Variants in USP13 observed in about 807,000 individuals in gnomAD.
The protein encoded by USP13 is ubiquitin specific peptidase 13, also known as ubiquitin carboxyl-terminal hydrolase 13.
A neutral mutation model predicts 107.8 loss-of-function variants in USP13; 68 were observed. That is an observed-to-expected ratio of 0.63 (90% CI 0.52 to 0.77). The LOEUF is 0.77. Among genes scored for constraint, USP13 ranks in the 30% least tolerant of loss-of-function variants. The pLI, the probability that USP13 is intolerant of heterozygous loss-of-function variation, is 0.00. For synonymous variants in USP13, 377 were observed against 389.5 expected, an observed-to-expected ratio of 0.97 and a Z score of 0.38; for missense variants, 945 against 1,093.3, an observed-to-expected ratio of 0.86 and a Z score of 1.91.
intron 1 of USP13, among the ~76,000 whole-genome samples, chr3:179,669,261 G>A (rs1720674972): frequency 1.3e-5 from 2 of 152,190 alleles, no homozygotes; most frequent in African/African-American, 4.8e-5. Flanking sequence ...AGGAGTTTGA[G>A]ACCAGCCTAG....
chr3:179,676,603 G>A (rs758318229), intron 1 of USP13, among the ~76,000 whole-genome samples: 7 of 152,142 alleles, frequency 4.6e-5, no homozygotes, highest in Non-Finnish European at 8.8e-5. Flanking sequence ...AGGCCATCGG[G>A]TGCTGACTCT....
At chr3:179,743,636 G>T (rs1714286078) in intron 12 of USP13, among the ~76,000 whole-genome samples, 1 of 152,176 alleles carries the variant, frequency 6.6e-6, no homozygotes, top group African/African-American at 2.4e-5. Flanking sequence ...CTAGGCTGCA[G>T]TGGTTTCTCT....
Position 179,742,469 on chromosome 3 carries a change from C to A in USP13, c.1534+119C>A. ...GGAGTAGACCCAGCCCAGGTGATGT[C>A]TGCTTTGCACATCTCTTTTCATCTC... is the stretch of plus-strand genomic sequence containing the variant. On this transcript the variant is annotated intron_variant, in intron 12 of 20. Transcript: ENST00000263966. The surrounding 1 kb of genome is among the most constrained non-coding windows in gnomAD (Gnocchi z 5.0). 1 of 1,211,856 alleles carries A rather than the reference C, an allele frequency of 8.3e-7. No homozygotes were observed. The highest frequency in any genetic ancestry group is 1.2e-6 in the Non-Finnish European group (1 of 865,764). The allele number at this position is 1,211,856 out of a possible 1,614,324, so 75.1% of individuals were successfully genotyped here.
chr3:179,777,756 C>T (rs1431940635), intron 19 of USP13, among the ~76,000 whole-genome samples: 1 of 152,000 alleles, frequency 6.6e-6, no homozygotes, highest in Non-Finnish European at 1.5e-5. Context: ...TGGCCTGTAT[C>T]CTCTCTTCAT....
intron 3 of USP13, among the ~76,000 whole-genome samples, chr3:179,694,548 A>C (rs1442251747): frequency 6.6e-6 from 1 of 152,048 alleles, no homozygotes; most frequent in Non-Finnish European, 1.5e-5. Flanking sequence ...CATGCCTGTA[A>C]TCTCAGCACT....
chr3:179,775,106 C>A (rs1261985346), intron 19 of USP13, among the ~76,000 whole-genome samples: 2 of 151,282 alleles, frequency 1.3e-5, no homozygotes, highest in South Asian at 2.1e-4. Flanking sequence ...TTCTTCAAGT[C>A]CCCACTAGAT....
At chr3:179,765,446 G>A (rs1715141467) in intron 18 of USP13, among the ~76,000 whole-genome samples, 1 of 152,224 alleles carries the variant, frequency 6.6e-6, no homozygotes, top group Non-Finnish European at 1.5e-5. Context: ...ACTTTGGAAT[G>A]CTGATCTGCT....
intron 3 of USP13, among the ~76,000 whole-genome samples, chr3:179,699,828 A>G (rs1712455551): frequency 6.6e-6 from 1 of 151,576 alleles, no homozygotes; most frequent in African/African-American, 2.4e-5. Flanking sequence ...ATTTAAGAGC[A>G]GAGCTGTACA....
Position 179,774,682 on chromosome 3 carries a change from G to A in USP13, c.2414-7057G>A, listed in dbSNP as rs182338982. On this transcript the variant is annotated intron_variant, in intron 19 of 20. Transcript: ENST00000263966. ...GCAAGATTTATTGCAAAGAGCAAAA[G>A]AACAAACCTTCCACAGTTTGGAAGG... Among the ~76,000 whole-genome samples, 935 of 152,322 alleles carry A rather than the reference G, an allele frequency of 6.1e-3. 7 individuals carry two copies. Among genetic ancestry groups the A allele is most frequent in the Middle Eastern group, 0.017 (5 of 294 alleles).
intron 1 of USP13, among the ~76,000 whole-genome samples, chr3:179,663,640 T>C (rs1050083788): frequency 2.0e-4 from 30 of 152,184 alleles, no homozygotes; most frequent in Admixed American, 3.3e-4. Context: ...AAAATAGGGG[T>C]CTGATCATCT....
At chr3:179,705,468 A>G (rs1045563406) in intron 4 of USP13, among the ~76,000 whole-genome samples, 4 of 152,066 alleles carry the variant, frequency 2.6e-5, no homozygotes, top group Admixed American at 2.6e-4. Flanking sequence ...TCACTAATCT[A>G]CTTTCTAGCT....
intron 1 of USP13, among the ~76,000 whole-genome samples, chr3:179,676,302 C>T (rs1720890498): frequency 6.6e-6 from 1 of 152,170 alleles, no homozygotes; most frequent in South Asian, 2.1e-4. Flanking sequence ...ATACACTGTC[C>T]TTTGATTCTT....
At chr3:179,681,818 TC>T in intron 1 of USP13, 59 bp from the exon 2 acceptor site, 1 of 1,560,834 alleles carries the variant, frequency 6.4e-7, no homozygotes, top group Non-Finnish European at 8.7e-7. Flanking sequence ...TTTCCCTCTT[TC>T]TACATCTGAC....
chr3:179,747,326 T>G (rs992984985), intron 13 of USP13, among the ~76,000 whole-genome samples: 4 of 152,264 alleles, frequency 2.6e-5, no homozygotes, highest in Non-Finnish European at 4.4e-5. Context: ...GACTGATTCC[T>G]CGAACATTTA....
At chr3:179,776,926 TTC>T (rs1257282572) in intron 19 of USP13, among the ~76,000 whole-genome samples, 5 of 145,374 alleles carry the variant, frequency 3.4e-5, no homozygotes, top group African/African-American at 1.3e-4. Context: ...CAACAGTAGC[TTC>T]TCTCTCTGGT....
Position 179,756,871 on chromosome 3 carries a change from T to C in USP13, c.1922-181T>C, listed in dbSNP as rs551615569. On this transcript the variant is annotated intron_variant, in intron 15 of 20. Coordinates refer to ENST00000263966, the MANE Select transcript of USP13 (RefSeq NM_003940.3). ...TTAACTAACCTAAACGCCTGAAAGC[T>C]ATTACTTTCTCTTATTACTGAGGCT... Among the ~76,000 whole-genome samples the C allele has an allele frequency of 7.2e-5, 11 of 152,300 alleles. No homozygotes were observed. The South Asian group carries it at 2.1e-3, about 29-fold the overall frequency.
At chr3:179,692,765 A>G (rs1198088036) in intron 3 of USP13, among the ~76,000 whole-genome samples, 1 of 152,198 alleles carries the variant, frequency 6.6e-6, no homozygotes, top group East Asian at 1.9e-4. Flanking sequence ...TCTTCTTTTC[A>G]TAAGACCTGG....
Position 179,787,561 on chromosome 3 carries a change from T to G in USP13, c.*3420T>G, listed in dbSNP as rs1715945676. Reference sequence around the variant, plus strand: ...CTTAGTGGCCCCACGACCCCTCTGTTTGTATTCCTGCTCCACTTATCTATA... The same window carrying G: ...CTTAGTGGCCCCACGACCCCTCTGTGTGTATTCCTGCTCCACTTATCTATA... On this transcript the variant is annotated 3_prime_UTR_variant, in exon 21 of 21. Coordinates refer to ENST00000263966, the MANE Select transcript of USP13 (RefSeq NM_003940.3). The G allele has an allele frequency of 6.6e-6, 1 of 152,206 alleles. No individual in the cohort carries two copies. Among genetic ancestry groups the G allele is most frequent in the Non-Finnish European group, 1.5e-5 (1 of 68,074 alleles). The allele number at this position is 152,206 out of a possible 1,614,324, so 9.4% of individuals were successfully genotyped here.
At chr3:179,705,128 C>T (rs1015692822) in intron 4 of USP13, among the ~76,000 whole-genome samples, 4 of 151,972 alleles carry the variant, frequency 2.6e-5, no homozygotes, top group Non-Finnish European at 4.4e-5. Context: ...TGCCTGTGGG[C>T]TAGGTGGGGG....
Sources: allele counts gnomAD v4.1 joint callset (sites outside exome capture counted in the v4.1 genomes callset), GRCh38; gene constraint gnomAD v4.1.1; non-coding constraint Gnocchi (gnomAD v3.1); transcripts MANE v1.5; gene names NCBI Gene and HGNC (gene_info 2026-07-23, HGNC 2026-07-21).